The following AKAP6 variants were observed in gnomAD, a reference collection of about 807,000 sequenced individuals.
AKAP6 encodes A-kinase anchoring protein 6, also known as A-kinase anchor protein 6.
Under a neutral mutation model 188.5 loss-of-function variants are expected in AKAP6, and 58 were observed. The ratio of observed to expected loss-of-function variants is 0.31; its 90% CI spans 0.25 to 0.38. The LOEUF is 0.38. Among genes scored for constraint, AKAP6 ranks in the 10% least tolerant of loss-of-function variants. The probability of loss-of-function intolerance (pLI) is 1.00; values close to 1 mark genes in which losing one functional copy is unlikely to be tolerated. For synonymous variants in AKAP6, 989 were observed against 998.6 expected (o/e 0.99, Z 0.18); for missense variants, 2,710 against 2,740.0 (o/e 0.99, Z 0.24).
chr14:32,703,010 GA>G (rs1326807540), intron 9 of AKAP6, among the ~76,000 whole-genome samples: 2 of 152,110 alleles, frequency 1.3e-5, no homozygotes, highest in Admixed American at 1.3e-4. Context: ...ATTTTAGAGT[GA>G]AAAGATAATT....
intron 2 of AKAP6, among the ~76,000 whole-genome samples, chr14:32,435,285 A>C (rs1296484067): frequency 6.6e-6 from 1 of 152,192 alleles, no homozygotes; most frequent in Non-Finnish European, 1.5e-5. Context: ...ACTTACATAG[A>C]AAAGGTGGGG....
In AKAP6 at chr14:32,836,650, C is replaced by G. The variant is rs1393339803; in HGVS notation, c.*6845C>G. 1 of 152,102 alleles carries G rather than the reference C, an allele frequency of 6.6e-6. No homozygotes were observed. Among genetic ancestry groups the G allele is most frequent in the Non-Finnish European group, 1.5e-5 (1 of 68,034 alleles). The allele number at this position is 152,102 out of a possible 1,614,324, so 9.4% of individuals were successfully genotyped here. A position where few individuals can be genotyped will look rare whatever the true frequency, so the allele number is the denominator to read the frequency against. ...AACTTTGAAGCCAATCTAATTCATA[C>G]TCAAAAAAGTATTCCAAAATTTTGG... On this transcript the variant is annotated 3_prime_UTR_variant, in exon 14 of 14. Transcript: ENST00000280979.
At chr14:32,361,107 G>T (rs1005603119) in intron 1 of AKAP6, among the ~76,000 whole-genome samples, 2 of 146,084 alleles carry the variant, frequency 1.4e-5, no homozygotes, top group South Asian at 2.2e-4. Context: ...AGATTGGACA[G>T]GTGGAACCTA....
At chr14:32,439,434 C>G (rs1292324111) in intron 2 of AKAP6, among the ~76,000 whole-genome samples, 1 of 152,096 alleles carries the variant, frequency 6.6e-6, no homozygotes, top group Non-Finnish European at 1.5e-5. Context: ...TGTTCCCAGG[C>G]CTGGAACCTG....
intron 2 of AKAP6, among the ~76,000 whole-genome samples, chr14:32,513,385 C>T (rs923040139): frequency 1.3e-5 from 2 of 152,062 alleles, no homozygotes; most frequent in Admixed American, 6.6e-5. Context: ...GTTAATAATC[C>T]TAGTAACCAG....
At chr14:32,388,019 C>T (rs1214699897) in intron 1 of AKAP6, among the ~76,000 whole-genome samples, 2 of 151,776 alleles carry the variant, frequency 1.3e-5, no homozygotes, top group East Asian at 1.9e-4. Context: ...ATTTCAATCT[C>T]GCTGCTTGTT....
intron 7 of AKAP6, among the ~76,000 whole-genome samples, chr14:32,609,864 C>G (rs752359196): frequency 2.2e-5 from 3 of 134,836 alleles, no homozygotes; most frequent in African/African-American, 5.9e-5. Flanking sequence ...AGGTCTCTCT[C>G]TCTCTCTCTC....
intron 1 of AKAP6, among the ~76,000 whole-genome samples, chr14:32,351,562 CAA>C (rs71432045): frequency 8.6e-6 from 1 of 116,518 alleles, no homozygotes. Flanking sequence ...GACTTCATCT[CAA>C]AAAAAAAAAA....
chr14:32,534,170 A>C (rs191454812), intron 2 of AKAP6, among the ~76,000 whole-genome samples: 3 of 152,212 alleles, frequency 2.0e-5, no homozygotes, highest in Non-Finnish European at 4.4e-5. Flanking sequence ...ACTGAATTAC[A>C]TGAAATCAGA....
intron 4 of AKAP6, among the ~76,000 whole-genome samples, chr14:32,569,959 A>G (rs543033946): frequency 6.6e-6 from 1 of 152,026 alleles, no homozygotes; most frequent in African/African-American, 2.4e-5. Flanking sequence ...TGCCCTCCAG[A>G]TCCACTGGTC....
At chr14:32,439,026 C>G (rs1031593822) in intron 2 of AKAP6, 3 of 152,170 alleles carry the variant, frequency 2.0e-5, no homozygotes, top group African/African-American at 4.8e-5. Flanking sequence ...TCAGCTCCCC[C>G]AAAACCCACA....
rs1467485658 is a variant in AKAP6 at position 32,833,036 on chromosome 14, T to G, written c.*3231T>G. 1 of 152,524 alleles carries G rather than the reference T, an allele frequency of 6.6e-6. No homozygotes were observed. The highest frequency in any genetic ancestry group is 1.5e-5 in the Non-Finnish European group (1 of 68,040). 9.4% of individuals were successfully genotyped at this position (152,524 alleles called of 1,614,324 possible). A position where few individuals can be genotyped will look rare whatever the true frequency, so the allele number is the denominator to read the frequency against. On this transcript the variant is annotated 3_prime_UTR_variant, in exon 14 of 14. Transcript: ENST00000280979. The stretch of plus-strand genomic sequence containing the variant: ...ATATGTTTATTCTATTATTGTAAAT[T>G]TCAAACAATAAATAAATAAGAATCC...
At chr14:32,429,053 G>T (rs1187041602) in intron 1 of AKAP6, among the ~76,000 whole-genome samples, 1 of 152,172 alleles carries the variant, frequency 6.6e-6, no homozygotes, top group Non-Finnish European at 1.5e-5. Context: ...CATTTGATTA[G>T]GGGGAGGGAG....
Position 32,599,454 on chromosome 14 carries a change from T to C in AKAP6, c.2514T>C (p.Ala838=), listed in dbSNP as rs144892695. 7.0e-4 allele frequency: 1,132 copies of C among 1,613,516 alleles called. No individual in the cohort carries two copies. Among genetic ancestry groups the C allele is most frequent in the Middle Eastern group, 9.9e-4 (6 of 6,058 alleles). The part of the protein sequence containing the change: ...NVDSHCALKE[A]VEEEGHQLLE... ...ACAGTCATTGTGCTCTCAAGGAAGCTGTGGAGGAGGAAGGACACCAACTTC... is the reference window on the plus strand; with the variant it reads ...ACAGTCATTGTGCTCTCAAGGAAGCCGTGGAGGAGGAAGGACACCAACTTC... Residue 838 remains alanine, a synonymous_variant, in exon 6 of 14, where the codon GCT becomes GCC. Coordinates refer to ENST00000280979, the MANE Select transcript of AKAP6 (RefSeq NM_004274.5).
In AKAP6 at chr14:32,762,261, C is replaced by G. The variant is rs566261568; in HGVS notation, c.3373-11417C>G. Among the ~76,000 whole-genome samples the G allele has an allele frequency of 3.3e-5, 5 of 151,960 alleles. No individual in the cohort carries two copies. The South Asian group carries it at 1.0e-3, about 32-fold the overall frequency. ...TCCAGGGAGACTCTGTAATAGATACCAGCATTTTAGTAATGATACAAGCAA... is the reference window on the plus strand; with the variant it reads ...TCCAGGGAGACTCTGTAATAGATACGAGCATTTTAGTAATGATACAAGCAA... On this transcript the variant is annotated intron_variant, in intron 11 of 13. Coordinates refer to ENST00000280979, the MANE Select transcript of AKAP6 (RefSeq NM_004274.5).
chr14:32,458,685 C>A (rs998015627), intron 2 of AKAP6, among the ~76,000 whole-genome samples: 2 of 151,804 alleles, frequency 1.3e-5, no homozygotes, highest in East Asian at 1.9e-4. Flanking sequence ...GAAAATGATA[C>A]CTAATATTTC....
intron 1 of AKAP6, among the ~76,000 whole-genome samples, chr14:32,376,811 C>T (rs932580706): frequency 3.3e-5 from 5 of 152,184 alleles, no homozygotes; most frequent in Non-Finnish European, 7.3e-5. Context: ...ATTCTCCTGC[C>T]TCAGCCTCCT....
At chr14:32,403,682 A>T (rs971908799) in intron 1 of AKAP6, among the ~76,000 whole-genome samples, 1 of 152,240 alleles carries the variant, frequency 6.6e-6, no homozygotes, top group Non-Finnish European at 1.5e-5. Flanking sequence ...TGCTCTGAGG[A>T]TTAAATGAAT....
In AKAP6 at chr14:32,696,075, A is replaced by G. The variant is rs868226432; in HGVS notation, c.2965A>G (p.Met989Val). Residue 989 changes from methionine (M) to valine (V), a missense_variant, in exon 9 of 14, where the codon ATG (methionine) becomes GTG (valine). Met to Val is a conservative substitution (Grantham distance 21). Transcript: ENST00000280979. Reference protein sequence around the residue: ...ESLVMDSHDLMMSEEQQQHLY... With the variant: ...ESLVMDSHDLVMSEEQQQHLY... Reference sequence around the variant, plus strand: ...CCTTGTGATGGACAGCCACGACCTGATGATGTCAGAGGAGCAGCAGCAGCA... The same window carrying G: ...CCTTGTGATGGACAGCCACGACCTGGTGATGTCAGAGGAGCAGCAGCAGCA... 4.3e-6 allele frequency: 7 copies of G among 1,612,496 alleles called. No individual in the cohort carries two copies. In the Middle Eastern group the frequency reaches 1.0e-3, roughly 231 times the overall value.
Sources: allele counts gnomAD v4.1 joint callset (sites outside exome capture counted in the v4.1 genomes callset), GRCh38; gene constraint gnomAD v4.1.1; transcripts MANE v1.5; gene names NCBI Gene and HGNC (gene_info 2026-07-23, HGNC 2026-07-21).